Variants in SLC25A26 observed in about 807,000 individuals in gnomAD.
SLC25A26 encodes mitochondrial S-adenosylmethionine carrier protein.
A neutral mutation model predicts 37.8 loss-of-function variants in SLC25A26; 36 were observed. The observed-to-expected ratio is 0.95, with a 90% CI of 0.73 to 1.26. The LOEUF (loss-of-function observed/expected upper bound fraction) is 1.26. SLC25A26 is among the 50% of genes most tolerant of loss of function. The pLI is 0.00. For synonymous variants in SLC25A26, 129 were observed against 122.5 expected (o/e 1.05, Z -0.35); for missense variants, 390 against 331.1 (o/e 1.18, Z -1.38).
chr3:66,311,604 G>GT (rs1206361069), intron 5 of SLC25A26, among the ~76,000 whole-genome samples: 1 of 152,028 alleles, frequency 6.6e-6, no homozygotes, highest in Admixed American at 6.6e-5. Context: ...TTTTTTGGTG[G>GT]TTTTTCCTCA....
chr3:66,295,399 A>AT lies in SLC25A26; in HGVS notation c.453+32025dup, dbSNP rs1164656374. On this transcript the variant is annotated intron_variant, in intron 5 of 9. Coordinates refer to ENST00000354883, the MANE Select transcript of SLC25A26 (RefSeq NM_001379210.1). ...CCACCATACCTGTCTAATTTTTTGT[A>AT]TTTTTGTTTTTTTTTTTTTTTTGAG... Among the ~76,000 whole-genome samples, 162 of 110,634 alleles carry AT rather than the reference A, an allele frequency of 1.5e-3. 1 individual carries two copies. The highest frequency in any genetic ancestry group is 2.1e-3 in the Non-Finnish European group (109 of 52,054). The allele number at this position is 110,634 out of a possible 152,430, so 72.6% of individuals were successfully genotyped here.
rs571969575 is a variant in SLC25A26, at chr3:66,247,904, T to C, written c.300+4592T>C. 5.3e-5 allele frequency among the ~76,000 whole-genome samples: 8 copies of C among 152,306 alleles called. No homozygotes were observed. In the South Asian group the frequency reaches 1.7e-3, roughly 32 times the overall value. On this transcript the variant is annotated intron_variant, in intron 3 of 9. Transcript: ENST00000354883. ...AACAGGTGAATTTAGAGGACATAAATTTTCATTTGTAAAATAAAAAGAAAT... is the reference window on the plus strand; with the variant it reads ...AACAGGTGAATTTAGAGGACATAAACTTTCATTTGTAAAATAAAAAGAAAT...
chr3:66,368,447 A>G (rs1700156004), intron 7 of SLC25A26, among the ~76,000 whole-genome samples: 1 of 152,232 alleles, frequency 6.6e-6, no homozygotes, highest in South Asian at 2.1e-4. Flanking sequence ...ACATTCAGAT[A>G]ACGCAAACAT....
In SLC25A26 at chr3:66,377,866, C is replaced by T; in HGVS notation, c.*59C>T. ...GAGAGGGGCCTGCAGTGCAAACCCTCTTCCGCTGAGCAGCTGTCTGAACTA... is the reference window on the plus strand; with the variant it reads ...GAGAGGGGCCTGCAGTGCAAACCCTTTTCCGCTGAGCAGCTGTCTGAACTA... On this transcript the variant is annotated 3_prime_UTR_variant, in exon 10 of 10. Coordinates refer to ENST00000354883, the MANE Select transcript of SLC25A26 (RefSeq NM_001379210.1). The T allele has an allele frequency of 1.6e-6, 2 of 1,273,198 alleles. No individual in the cohort carries two copies. The highest frequency in any genetic ancestry group is 2.3e-6 in the Non-Finnish European group (2 of 872,706). 78.9% of individuals were successfully genotyped at this position (1,273,198 alleles called of 1,614,324 possible). A position where few individuals can be genotyped will look rare whatever the true frequency, so the allele number is the denominator to read the frequency against.
intron 5 of SLC25A26, among the ~76,000 whole-genome samples, chr3:66,279,188 C>G (rs1049068150): frequency 6.6e-6 from 1 of 152,080 alleles, no homozygotes; most frequent in African/African-American, 2.4e-5. Context: ...TTAGGTATGA[C>G]AACTTTGAAA....
At chr3:66,153,529 C>T (rs1324565723) in intron 1 of SLC25A26, among the ~76,000 whole-genome samples, 1 of 152,226 alleles carries the variant, frequency 6.6e-6, no homozygotes, top group African/African-American at 2.4e-5. Flanking sequence ...GATAAAGTCG[C>T]TGCTGATGCA....
chr3:66,375,210 G>A (rs1700577412), intron 9 of SLC25A26, among the ~76,000 whole-genome samples: 1 of 152,168 alleles, frequency 6.6e-6, no homozygotes. Flanking sequence ...AAGCTGCAGG[G>A]TTTGAAGTTA....
At chr3:66,305,342 A>T (rs2075186709) in intron 5 of SLC25A26, among the ~76,000 whole-genome samples, 1 of 152,110 alleles carries the variant, frequency 6.6e-6, no homozygotes, top group Admixed American at 6.5e-5. Context: ...GAGTAACATT[A>T]TGTAATTTAA....
intron 7 of SLC25A26, among the ~76,000 whole-genome samples, chr3:66,363,252 A>C (rs1039104097): frequency 3.9e-5 from 6 of 152,182 alleles, no homozygotes; most frequent in Non-Finnish European, 1.5e-5. Context: ...CTGTGGGTGC[A>C]GGGCTCACCA....
intron 1 of SLC25A26, among the ~76,000 whole-genome samples, chr3:66,234,214 T>C (rs2072166653): frequency 6.6e-6 from 1 of 152,342 alleles, no homozygotes; most frequent in African/African-American, 2.4e-5. Flanking sequence ...TGCCTCAGCC[T>C]CCCAGGTAGC....
At chr3:66,340,133 T>C (rs1360865538) in intron 5 of SLC25A26, among the ~76,000 whole-genome samples, 1 of 152,128 alleles carries the variant, frequency 6.6e-6, no homozygotes, top group African/African-American at 2.4e-5. Flanking sequence ...TTGAATGGTC[T>C]GGCACCCTTT....
At chr3:66,228,343 A>T (rs2071855764) in intron 1 of SLC25A26, among the ~76,000 whole-genome samples, 1 of 152,198 alleles carries the variant, frequency 6.6e-6, no homozygotes, top group Admixed American at 6.5e-5. Context: ...GTATTTGATA[A>T]CTTAGCTGTA....
chr3:66,177,018 G>A (rs1039094283), intron 1 of SLC25A26, among the ~76,000 whole-genome samples: 27 of 152,272 alleles, frequency 1.8e-4, no homozygotes, highest in African/African-American at 6.5e-4. Flanking sequence ...AGCTACAAAG[G>A]CAATTAAGGT....
At chr3:66,244,633 C>A (rs2965045) in intron 3 of SLC25A26, among the ~76,000 whole-genome samples, 19,904 of 152,006 alleles carry the variant, frequency 0.13, 2,124 homozygotes, top group East Asian at 0.28. Context: ...GTAAAATTGG[C>A]AACAGTGACA....
chr3:66,150,666 G>A (rs1461408174), intron 1 of SLC25A26, among the ~76,000 whole-genome samples: 6 of 105,784 alleles, frequency 5.7e-5, no homozygotes, highest in African/African-American at 2.2e-4. Flanking sequence ...CATGGCACTT[G>A]GAGGAGCAGT....
intron 1 of SLC25A26, among the ~76,000 whole-genome samples, chr3:66,201,996 A>G (rs937977573): frequency 3.9e-5 from 6 of 152,200 alleles, no homozygotes; most frequent in African/African-American, 1.4e-4. Flanking sequence ...ACAAAAGATC[A>G]TTTAAGAAAG....
chr3:66,265,508 C>G (rs75160502), intron 5 of SLC25A26, among the ~76,000 whole-genome samples: 8 of 152,046 alleles, frequency 5.3e-5, no homozygotes, highest in African/African-American at 1.9e-4. Flanking sequence ...TCTGCATCTG[C>G]GTTTTCTATT....
At chr3:66,201,998 T>G (rs1336410585) in intron 1 of SLC25A26, among the ~76,000 whole-genome samples, 15 of 152,072 alleles carry the variant, frequency 9.9e-5, no homozygotes, top group Admixed American at 9.8e-4. Flanking sequence ...AAAAGATCAT[T>G]TAAGAAAGAA....
At chr3:66,358,295 A>G (rs536035396) in intron 6 of SLC25A26, among the ~76,000 whole-genome samples, 1 of 152,332 alleles carries the variant, frequency 6.6e-6, no homozygotes, top group East Asian at 1.9e-4. Context: ...GTTGCACTCA[A>G]ATGAATAATT....
Sources: gnomAD v4.1 joint callset for allele counts (sites outside exome capture counted in the v4.1 genomes callset) on GRCh38, gnomAD v4.1.1 for gene constraint, MANE v1.5 for transcripts, NCBI Gene and HGNC (gene_info 2026-07-23, HGNC 2026-07-21) for gene names.